The following CADPS2 variants were observed in gnomAD, a reference collection of about 807,000 sequenced individuals.
The protein encoded by CADPS2 is calcium dependent secretion activator 2.
A neutral mutation model predicts 172.5 loss-of-function variants in CADPS2; 93 were observed. The ratio of observed to expected loss-of-function variants is 0.54; its 90% CI spans 0.46 to 0.64. CADPS2 has a LOEUF of 0.64. Among genes scored for constraint, CADPS2 ranks in the 30% least tolerant of loss-of-function variants. CADPS2 has a pLI of 0.00. For missense variants in CADPS2, 1,420 were observed against 1,565.9 expected, an observed-to-expected ratio of 0.91 and a Z score of 1.57; for synonymous variants, 546 against 555.2, an observed-to-expected ratio of 0.98 and a Z score of 0.23.
intron 1 of CADPS2, among the ~76,000 whole-genome samples, chr7:122,835,062 T>C (rs1807925777): frequency 6.6e-6 from 1 of 152,094 alleles, no homozygotes; most frequent in Admixed American, 6.5e-5. Context: ...ACCTCACATG[T>C]TTGGGTACCC....
chr7:122,710,285 C>A (rs2088491046), intron 2 of CADPS2, among the ~76,000 whole-genome samples: 3 of 151,988 alleles, frequency 2.0e-5, no homozygotes, highest in African/African-American at 7.2e-5. Flanking sequence ...GATCACAAAA[C>A]CCTTTCTTAT....
At chr7:122,425,403 C>T (rs538981577) in intron 17 of CADPS2, among the ~76,000 whole-genome samples, 15 of 128,826 alleles carry the variant, frequency 1.2e-4, no homozygotes, top group South Asian at 4.9e-4. Context: ...GCCTGGGCAA[C>T]GTGGCGAAAC....
intron 29 of CADPS2, among the ~76,000 whole-genome samples, chr7:122,321,686 G>A (rs569181968): frequency 1.3e-5 from 2 of 151,538 alleles, no homozygotes; most frequent in African/African-American, 2.4e-5. Context: ...CACTCTATCG[G>A]CCAGACTGAT....
At chr7:122,684,643 A>C (rs2135905404) in intron 2 of CADPS2, among the ~76,000 whole-genome samples, 1 of 151,736 alleles carries the variant, frequency 6.6e-6, no homozygotes, top group East Asian at 1.9e-4. Flanking sequence ...TTTGCTGCTG[A>C]TAAAATACCT....
intron 5 of CADPS2, among the ~76,000 whole-genome samples, chr7:122,617,419 A>G (rs1036613117): frequency 1.1e-4 from 17 of 152,240 alleles, no homozygotes; most frequent in African/African-American, 3.6e-4. Flanking sequence ...TAAGTGTTTC[A>G]ATTCCCAGCA....
At chr7:122,411,392 G>A (rs754769535) in intron 19 of CADPS2, among the ~76,000 whole-genome samples, 5 of 151,500 alleles carry the variant, frequency 3.3e-5, no homozygotes, top group African/African-American at 7.3e-5. Context: ...AGCTAATTTT[G>A]TATTTTTAGT....
intron 1 of CADPS2, among the ~76,000 whole-genome samples, chr7:122,839,094 G>T (rs1809535633): frequency 6.6e-6 from 1 of 152,108 alleles, no homozygotes. Context: ...TAGACCAATG[G>T]AACAGAACAG....
At chr7:122,516,244 T>G (rs2130906010) in intron 8 of CADPS2, among the ~76,000 whole-genome samples, 1 of 152,118 alleles carries the variant, frequency 6.6e-6, no homozygotes. Flanking sequence ...CATTGAAAAA[T>G]GAGTGAAGAG....
chr7:122,361,000 A>G lies in CADPS2; in HGVS notation c.3401T>C (p.Leu1134Ser). The change falls in exon 26 of 30, where the codon TTG becomes TCG. Residue 1134 changes from leucine (L) to serine (S), a missense_variant. Leu to Ser is a moderately radical substitution (Grantham distance 145, BLOSUM62 -2). Coordinates refer to ENST00000449022, the MANE Select transcript of CADPS2 (RefSeq NM_017954.11). The part of the protein sequence containing the change: ...SLLVSKFVSV[L>S]EGVLSKLSRY... ...TGACAGCTTAGACAACACGCCTTCCAACACTGAAACAAACTATAATACAGT... is the reference window on the plus strand; with the variant it reads ...TGACAGCTTAGACAACACGCCTTCCGACACTGAAACAAACTATAATACAGT... The G allele has an allele frequency of 6.2e-7, 1 of 1,613,546 alleles. No homozygotes were observed. The highest frequency in any genetic ancestry group is 8.5e-7 in the Non-Finnish European group (1 of 1,179,612).
In CADPS2 at chr7:122,660,682, G is replaced by A. The variant is rs201449744; in HGVS notation, c.786+2555C>T. Among the ~76,000 whole-genome samples, 4 of 151,768 alleles carry A rather than the reference G, an allele frequency of 2.6e-5. No individual in the cohort carries two copies. In the East Asian group the frequency reaches 7.8e-4, roughly 29 times the overall value. On this transcript the variant is annotated intron_variant, in intron 3 of 29. Transcript: ENST00000449022. ...TCCCAGCACTTTGGGAGGCCGAGGC[G>A]GGCGGATCATGAGGTCAGGAGATCG...
At chr7:122,637,854 A>G (rs1285020325) in intron 3 of CADPS2, among the ~76,000 whole-genome samples, 1 of 152,216 alleles carries the variant, frequency 6.6e-6, no homozygotes, top group Non-Finnish European at 1.5e-5. Flanking sequence ...GGGTGCTTGC[A>G]GAGAGCCAAG....
At chr7:122,713,111 C>A (rs1193711465) in intron 2 of CADPS2, among the ~76,000 whole-genome samples, 1 of 152,078 alleles carries the variant, frequency 6.6e-6, no homozygotes, top group Non-Finnish European at 1.5e-5. Flanking sequence ...AAAAACAAAG[C>A]AGCCCATACA....
chr7:122,546,752 T>C (rs1380429043), intron 8 of CADPS2, among the ~76,000 whole-genome samples: 1 of 152,194 alleles, frequency 6.6e-6, no homozygotes, highest in Non-Finnish European at 1.5e-5. Flanking sequence ...GTCTTGGTAC[T>C]GTCAGCCCAT....
intron 8 of CADPS2, among the ~76,000 whole-genome samples, chr7:122,530,583 T>C (rs902610269): frequency 5.9e-5 from 9 of 152,174 alleles, no homozygotes; most frequent in Non-Finnish European, 1.0e-4. Flanking sequence ...TCAGTTAATA[T>C]AACAATCTTA....
intron 2 of CADPS2, among the ~76,000 whole-genome samples, chr7:122,721,563 A>T (rs1006032702): frequency 9.9e-5 from 15 of 152,126 alleles, no homozygotes; most frequent in Non-Finnish European, 2.2e-4. Flanking sequence ...TACCAACCAA[A>T]AAAAGTCCAG....
At chr7:122,657,740 T>G (rs1471455866) in intron 3 of CADPS2, among the ~76,000 whole-genome samples, 1 of 152,196 alleles carries the variant, frequency 6.6e-6, no homozygotes, top group Non-Finnish European at 1.5e-5. Context: ...AAATATACAA[T>G]CATGTCATCT....
intron 14 of CADPS2, among the ~76,000 whole-genome samples, chr7:122,459,434 A>G (rs2054184007): frequency 6.6e-6 from 1 of 152,110 alleles, no homozygotes; most frequent in Admixed American, 6.6e-5. Context: ...TTCGATACAT[A>G]TTGCAAAGTT....
At chr7:122,796,823 T>C (rs754052770) in intron 1 of CADPS2, among the ~76,000 whole-genome samples, 2 of 151,630 alleles carry the variant, frequency 1.3e-5, no homozygotes, top group African/African-American at 2.4e-5. Flanking sequence ...GATTTCATGG[T>C]GAAGACACCA....
At chr7:122,519,175 T>C (rs1586808567) in intron 8 of CADPS2, among the ~76,000 whole-genome samples, 1 of 152,200 alleles carries the variant, frequency 6.6e-6, no homozygotes, top group Admixed American at 6.6e-5. Flanking sequence ...CCATTGTACA[T>C]GACATTTTCA....
Sources: allele counts gnomAD v4.1 joint callset (sites outside exome capture counted in the v4.1 genomes callset), GRCh38; gene constraint gnomAD v4.1.1; transcripts MANE v1.5; gene names NCBI Gene and HGNC (gene_info 2026-07-23, HGNC 2026-07-21).